Variants in CEP41 observed in about 807,000 individuals in gnomAD.
CEP41 encodes the protein centrosomal protein of 41 kDa.
In CEP41, 32 loss-of-function variants were observed where a neutral mutation model predicts 44.3. That is an observed-to-expected ratio of 0.72 (90% CI 0.54 to 0.97). The LOEUF is 0.97. CEP41 is among the 50% of genes least tolerant of loss of function. The pLI, the probability that CEP41 is intolerant of heterozygous loss-of-function variation, is 0.00. For missense variants in CEP41, 432 were observed against 455.2 expected, an observed-to-expected ratio of 0.95 and a Z score of 0.46; for synonymous variants, 151 against 168.5, an observed-to-expected ratio of 0.90 and a Z score of 0.80.
rs563135721 is a variant in CEP41 at position 130,419,795 on chromosome 7, C to T, written c.98-2829G>A. 6.1e-6 allele frequency: 6 copies of T among 985,374 alleles called. No homozygotes were observed. In the South Asian group the frequency reaches 2.8e-4, roughly 46 times the overall value. 61.0% of individuals were successfully genotyped at this position (985,374 alleles called of 1,614,324 possible). ...TAGTCTTGCATTCTCTAACGTATCA[C>T]CTTGCCACATACTCGTAAGAGCTCA... On this transcript the variant is annotated intron_variant, in intron 2 of 10. Transcript: ENST00000223208.
chr7:130,399,151 T>A, intron 10 of CEP41, 112 bp from the exon 11 acceptor site: 9 of 1,332,000 alleles, frequency 6.8e-6, no homozygotes, highest in Non-Finnish European at 9.6e-6. Flanking sequence ...TTTAAGCTAA[T>A]GAAGTCCTAT....
Position 130,397,554 on chromosome 7 carries a change from G to C in CEP41, c.*1337C>G. On this transcript the variant is annotated 3_prime_UTR_variant, in exon 11 of 11. Coordinates refer to ENST00000223208, the MANE Select transcript of CEP41 (RefSeq NM_018718.3). ...TTTTTGGTGGCGAGAAAATAGTACT[G>C]TTAAGGCAAATCTTACCCCGTAGCA... The C allele has an allele frequency of 2.7e-6, 1 of 371,156 alleles. No individual in the cohort carries two copies. The highest frequency in any genetic ancestry group is 5.1e-6 in the Non-Finnish European group (1 of 194,420). 23.0% of individuals were successfully genotyped at this position (371,156 alleles called of 1,614,324 possible).
intron 10 of CEP41, 173 bp downstream of exon 10, chr7:130,399,866 C>T (rs1325343740): frequency 1.6e-5 from 10 of 636,996 alleles, no homozygotes; most frequent in Middle Eastern, 4.3e-4. Flanking sequence ...CTCTTCAATG[C>T]GTAATTCTTG....
rs116313397 is a variant in CEP41, at chr7:130,398,948, G to C, written c.1065C>G (p.Ser355Arg). The C allele has an allele frequency of 1.3e-4, 203 of 1,614,218 alleles. No homozygotes were observed. The African/African-American group carries it at 2.5e-3, about 20-fold the overall frequency. Residue 355 changes from serine (S) to arginine (R), a missense_variant, in exon 11 of 11, where the codon AGC becomes AGG. Coordinates refer to ENST00000223208, the MANE Select transcript of CEP41 (RefSeq NM_018718.3). ...AQNLPGGGPA[S>R]HSNPRSLSSG... ...TGCTGAGGGAGCGGGGGTTTGAGTG[G>C]CTGGCGGGGCCGCCACCTGGCAGAT...
rs782606521 is a variant in CEP41, at chr7:130,416,974, G to T, written c.98-8C>A. 1.3e-6 allele frequency: 2 copies of T among 1,554,238 alleles called. No individual in the cohort carries two copies. The highest frequency in any genetic ancestry group is 1.1e-5 in the South Asian group (1 of 89,798). On this transcript the variant is annotated splice_polypyrimidine_tract_variant and splice_region_variant and intron_variant, in intron 2 of 10. Transcript: ENST00000223208. ...ATTTAGTCATACTGTTACCTAAAAA[G>T]AAAATAAGGGGTTTTAGATATACTT...
Position 130,440,479 on chromosome 7 carries a change from AG to A in CEP41, c.33+454del, listed in dbSNP as rs1563002400. 2.7e-5 allele frequency: 8 copies of A among 297,138 alleles called. No individual in the cohort carries two copies. The South Asian group carries it at 2.7e-4, about 10-fold the overall frequency. 18.4% of individuals were successfully genotyped at this position (297,138 alleles called of 1,614,324 possible). A position where few individuals can be genotyped will look rare whatever the true frequency, so the allele number is the denominator to read the frequency against. On this transcript the variant is annotated intron_variant, in intron 1 of 10. Coordinates refer to ENST00000223208, the MANE Select transcript of CEP41 (RefSeq NM_018718.3). Reference sequence around the variant, plus strand: ...AGAAACTGAAGGGTCCTATGGAGAGAGGGGTAAGCCTAATGTCCTATTTTGC... The same window carrying A: ...AGAAACTGAAGGGTCCTATGGAGAGAGGGTAAGCCTAATGTCCTATTTTGC...
chr7:130,440,069 G>A (rs1372755936), intron 1 of CEP41, among the ~76,000 whole-genome samples: 1 of 151,990 alleles, frequency 6.6e-6, no homozygotes, highest in Non-Finnish European at 1.5e-5. Flanking sequence ...ACCCAGGCTG[G>A]AGTGCAATGG....
chr7:130,399,993 C>T, intron 10 of CEP41, 46 bp downstream of exon 10: 1 of 1,286,910 alleles, frequency 7.8e-7, no homozygotes, highest in Non-Finnish European at 1.1e-6. Context: ...AGGTGATATT[C>T]AAAGCTGCAA....
intron 3 of CEP41, among the ~76,000 whole-genome samples, chr7:130,413,573 T>C (rs1554420275): frequency 7.5e-6 from 1 of 132,470 alleles, no homozygotes; most frequent in Admixed American, 7.8e-5. Flanking sequence ...AGTGAAACTG[T>C]GTCACAAAAA....
At chr7:130,440,310 G>A (rs902356979) in intron 1 of CEP41, among the ~76,000 whole-genome samples, 1 of 152,170 alleles carries the variant, frequency 6.6e-6, no homozygotes, top group Non-Finnish European at 1.5e-5. Flanking sequence ...GAGCCACCGC[G>A]CCTGGTCCAC....
Position 130,412,160 on chromosome 7 carries a change from GA to G in CEP41, c.207+18del. ...AAATTAGACAGACTTTACTCCAGTG[GA>G]AAAATCAAGAAACTTACCAGCTGGG... On this transcript the variant is annotated intron_variant, in intron 4 of 10. Coordinates refer to ENST00000223208, the MANE Select transcript of CEP41 (RefSeq NM_018718.3). 1.4e-6 allele frequency: 2 copies of G among 1,418,106 alleles called. No homozygotes were observed. The highest frequency in any genetic ancestry group is 2.0e-6 in the Non-Finnish European group (2 of 1,001,414). The allele number at this position is 1,418,106 out of a possible 1,614,324, so 87.8% of individuals were successfully genotyped here. A position where few individuals can be genotyped will look rare whatever the true frequency, so the allele number is the denominator to read the frequency against.
intron 8 of CEP41, 148 bp downstream of exon 8, chr7:130,401,733 A>T: frequency 1.7e-6 from 1 of 602,806 alleles, no homozygotes. Flanking sequence ...GATTCTTGGC[A>T]ATAGCTAGGA....
At chr7:130,420,623 T>G (rs1584892876) in intron 2 of CEP41, 1 of 149,558 alleles carries the variant, frequency 6.7e-6, no homozygotes, top group African/African-American at 2.5e-5. Flanking sequence ...AATATAAAAA[T>G]TAGCCAGGCA....
chr7:130,428,123 T>A, intron 1 of CEP41, 105 bp from the exon 2 acceptor site: 1 of 808,116 alleles, frequency 1.2e-6, no homozygotes, highest in Non-Finnish European at 2.1e-6. Flanking sequence ...TGCTAAAATT[T>A]CTTAGAAATT....
intron 1 of CEP41, among the ~76,000 whole-genome samples, chr7:130,437,587 A>G (rs1343859746): frequency 3.0e-5 from 4 of 133,358 alleles, no homozygotes; most frequent in African/African-American, 1.1e-4. Flanking sequence ...CTTGGGCAAC[A>G]TAGGGAGACC....
At chr7:130,415,245 T>A (rs993958939) in intron 3 of CEP41, among the ~76,000 whole-genome samples, 2 of 152,196 alleles carry the variant, frequency 1.3e-5, no homozygotes, top group African/African-American at 2.4e-5. Context: ...CAGAAAGAAA[T>A]GGCATCTAAG....
In CEP41 at chr7:130,397,136, A is replaced by G. The variant is rs1554415025; in HGVS notation, c.*1755T>C. On this transcript the variant is annotated 3_prime_UTR_variant, in exon 11 of 11. Coordinates refer to ENST00000223208, the MANE Select transcript of CEP41 (RefSeq NM_018718.3). ...ATGTGCATTTTTCTATCTATGCTGT[A>G]AAGAAAATACAAAGCCAGAGCATTT... 2.2e-6 allele frequency: 1 copy of G among 454,558 alleles called. No individual in the cohort carries two copies. The highest frequency in any genetic ancestry group is 1.6e-5 in the South Asian group (1 of 64,480). 28.2% of individuals were successfully genotyped at this position (454,558 alleles called of 1,614,324 possible). A position where few individuals can be genotyped will look rare whatever the true frequency, so the allele number is the denominator to read the frequency against.
At chr7:130,428,914 AAAAT>A (rs576364646) in intron 1 of CEP41, among the ~76,000 whole-genome samples, 8 of 150,650 alleles carry the variant, frequency 5.3e-5, no homozygotes, top group East Asian at 3.9e-4. Context: ...CTGTCTCAAA[AAAAT>A]AAATAAATAA....
At chr7:130,402,415 T>C (rs1335730768) in intron 7 of CEP41, among the ~76,000 whole-genome samples, 1 of 150,678 alleles carries the variant, frequency 6.6e-6, no homozygotes, top group African/African-American at 2.4e-5. Flanking sequence ...GAAAGAGCAC[T>C]ATGAACAAAG....
Sources: allele counts gnomAD v4.1 joint callset (sites outside exome capture counted in the v4.1 genomes callset), GRCh38; gene constraint gnomAD v4.1.1; transcripts MANE v1.5; gene names NCBI Gene and HGNC (gene_info 2026-07-23, HGNC 2026-07-21).